TPCN1: variants seen among roughly 807,000 people sequenced by gnomAD.
TPCN1 encodes the protein two pore segment channel 1, also known as two pore channel protein 1.
TPCN1 carries 52 observed loss-of-function variants against 108.8 expected under a neutral mutation model. The ratio of observed to expected loss-of-function variants is 0.48; its 90% CI spans 0.38 to 0.60. TPCN1 has a LOEUF of 0.60. Among genes scored for constraint, TPCN1 ranks in the 20% least tolerant of loss-of-function variants. The pLI is 0.00. For missense variants in TPCN1, 806 were observed against 1,072.8 expected, an observed-to-expected ratio of 0.75 and a Z score of 3.47; for synonymous variants, 446 against 433.7, an observed-to-expected ratio of 1.03 and a Z score of -0.35.
rs1262597630 is a variant in TPCN1 at position 113,285,925 on chromosome 12, T to C, written c.1490T>C (p.Leu497Pro). ...GAGCTGTTCCTGAAGGTTGCCGGCC[T>C]GGGCCCTGTGGAGTACTTGTCTTCC... Reference protein sequence around the residue: ...GVELFLKVAGLGPVEYLSSGW... With the variant: ...GVELFLKVAGPGPVEYLSSGW... Residue 497 changes from leucine to proline, a missense_variant, in exon 18 of 28, where the codon CTG becomes CCG. Physicochemically the swap from Leu to Pro is moderately conservative, Grantham distance 98. Transcript: ENST00000335509. 4 of 1,614,118 alleles carry C rather than the reference T, an allele frequency of 2.5e-6. No homozygotes were observed. The African/African-American group carries it at 5.3e-5, about 22-fold the overall frequency.
intron 15 of TPCN1, among the ~76,000 whole-genome samples, chr12:113,282,382 C>T (rs1210846338): frequency 2.6e-5 from 4 of 151,972 alleles, no homozygotes; most frequent in South Asian, 4.2e-4. Context: ...CATGAGCCAC[C>T]GCATCCGGCC....
intron 3 of TPCN1, among the ~76,000 whole-genome samples, chr12:113,263,831 TC>T (rs1240593290): frequency 6.6e-6 from 1 of 152,200 alleles, no homozygotes; most frequent in Non-Finnish European, 1.5e-5. Flanking sequence ...CAACTGGCCT[TC>T]CTTATTTTTC....
chr12:113,272,603 G>C lies in TPCN1; in HGVS notation c.749-55G>C, dbSNP rs1319727686. The C allele has an allele frequency of 2.0e-5, 31 of 1,548,188 alleles. No individual in the cohort carries two copies. Among genetic ancestry groups the C allele is most frequent in the Non-Finnish European group, 2.8e-5 (31 of 1,120,154 alleles). On this transcript the variant is annotated intron_variant, in intron 7 of 27. Coordinates refer to ENST00000335509, the MANE Select transcript of TPCN1 (RefSeq NM_017901.6). The surrounding 1 kb of genome is among the most constrained non-coding windows in gnomAD (Gnocchi z 4.1). ...TATTTGTCCAGTCCTTTTGACACCAGGTTTTGGGACCTCTGCTCTAATCCT... is the reference window on the plus strand; with the variant it reads ...TATTTGTCCAGTCCTTTTGACACCACGTTTTGGGACCTCTGCTCTAATCCT...
chr12:113,285,493 C>T (rs7312039), intron 17 of TPCN1, among the ~76,000 whole-genome samples: 2,549 of 152,308 alleles, frequency 0.017, 91 homozygotes, highest in East Asian at 0.15. Context: ...TAGCCTCAGC[C>T]TCCCAAGTAG....
At chr12:113,259,579 A>G (rs1260925755) in intron 2 of TPCN1, among the ~76,000 whole-genome samples, 1 of 152,196 alleles carries the variant, frequency 6.6e-6, no homozygotes, top group African/African-American at 2.4e-5. Flanking sequence ...CTTCCTTCTC[A>G]GGCAAGTTTT....
chr12:113,277,499 C>T, intron 12 of TPCN1, 135 bp downstream of exon 12: 1 of 1,081,318 alleles, frequency 9.2e-7, no homozygotes, highest in Admixed American at 2.3e-5. Context: ...GATGTTTATC[C>T]ATGTAGACTT....
rs1476238657 is a variant in TPCN1, at chr12:113,279,380, TATATATATA to T, written c.1297+546_1297+554del. Among the ~76,000 whole-genome samples, 151 of 33,916 alleles carry T rather than the reference TATATATATA, an allele frequency of 4.5e-3. 1 individual carries two copies. The highest frequency in any genetic ancestry group is 0.018 in the African/African-American group (143 of 8,112). The allele number at this position is 33,916 out of a possible 152,430, so 22.3% of individuals were successfully genotyped here. ...GTGTGTATATATATATATATATATA[TATATATATA>T]TATTTTTTTTTTTTTTTTTTTTTTT... On this transcript the variant is annotated intron_variant, in intron 14 of 27. Coordinates refer to ENST00000335509, the MANE Select transcript of TPCN1 (RefSeq NM_017901.6).
chr12:113,225,474 ATTTG>A, intron 1 of TPCN1: 1 of 259,790 alleles, frequency 3.8e-6, no homozygotes, highest in South Asian at 3.5e-5. Flanking sequence ...ACTTTTCAGT[ATTTG>A]TTCTTGCAGG....
intron 10 of TPCN1, among the ~76,000 whole-genome samples, chr12:113,274,028 C>T (rs1430349443): frequency 6.6e-6 from 1 of 152,220 alleles, no homozygotes; most frequent in Non-Finnish European, 1.5e-5. Context: ...CAAAGATCCA[C>T]AGATGTTCAA....
At position 113,273,185 on chromosome 12, in the gene TPCN1, T is replaced by C. The variant is rs777522895; in HGVS notation, c.784-47T>C. On this transcript the variant is annotated intron_variant, in intron 8 of 27. Transcript: ENST00000335509. The surrounding 1 kb of genome is among the most constrained non-coding windows in gnomAD (Gnocchi z 4.0). ...CATCACAGCCTGTTCCTGATGGCCGTGTGCTCTTGGCTGGTCCCGACTTCT... is the reference window on the plus strand; with the variant it reads ...CATCACAGCCTGTTCCTGATGGCCGCGTGCTCTTGGCTGGTCCCGACTTCT... 6.3e-7 allele frequency: 1 copy of C among 1,581,524 alleles called. No homozygotes were observed. Among genetic ancestry groups the C allele is most frequent in the East Asian group, 2.2e-5 (1 of 44,670 alleles).
rs1955578198 is a variant in TPCN1, at chr12:113,273,620, C to A, written c.894C>A (p.Val298=). ...ACTCCCGGAACCCCTGGTCCTGCGTCTTCTTCATCGTGTACCTCTCCATCG... is the reference window on the plus strand; with the variant it reads ...ACTCCCGGAACCCCTGGTCCTGCGTATTCTTCATCGTGTACCTCTCCATCG... ...PSYSRNPWSC[V]FFIVYLSIEL... The change falls in exon 10 of 28, where the codon GTC becomes GTA. Residue 298 remains valine, a synonymous_variant. Transcript: ENST00000335509. This position sits in a 1 kb window ranked among gnomAD's most constrained non-coding sequence, Gnocchi z 4.0. 3 of 1,614,208 alleles carry A rather than the reference C, an allele frequency of 1.9e-6. No homozygotes were observed. Among genetic ancestry groups the A allele is most frequent in the Non-Finnish European group, 2.5e-6 (3 of 1,180,028 alleles).
intron 2 of TPCN1, among the ~76,000 whole-genome samples, chr12:113,230,237 C>T (rs147807338): frequency 7.7e-4 from 113 of 146,344 alleles, no homozygotes; most frequent in African/African-American, 2.8e-3. Context: ...GGGGTAATTA[C>T]ACATTTAACC....
chr12:113,286,544 C>T (rs768112704), intron 18 of TPCN1, among the ~76,000 whole-genome samples: 25 of 136,322 alleles, frequency 1.8e-4, no homozygotes, highest in Non-Finnish European at 2.4e-4. Context: ...GCTGTTCTCC[C>T]GATGGGAATC....
At chr12:113,295,658 A>C (rs1956400256) in intron 27 of TPCN1, among the ~76,000 whole-genome samples, 1 of 152,076 alleles carries the variant, frequency 6.6e-6, no homozygotes, top group Non-Finnish European at 1.5e-5. Context: ...CCCTTTAGTG[A>C]AGGACAAAAG....
Position 113,278,204 on chromosome 12 carries a change from C to T in TPCN1, c.1200C>T (p.Tyr400=), listed in dbSNP as rs529836753. ...CTTTTGGTAGCCTAAAGGACTTTTA[C>T]GATATCTACGAAGTTGCTGCTTTGA... The part of the protein sequence containing the change: ...NTPLLSLKDF[Y]DIYEVAALKW... Residue 400 remains tyrosine, a synonymous_variant, in exon 13 of 28, where the codon TAC becomes TAT. Transcript: ENST00000335509. The T allele has an allele frequency of 1.1e-5, 17 of 1,613,754 alleles. No individual in the cohort carries two copies. Among genetic ancestry groups the T allele is most frequent in the Middle Eastern group, 3.3e-4 (2 of 6,056 alleles).
chr12:113,268,880 C>T lies in TPCN1; in HGVS notation c.659+8C>T, dbSNP rs192139704. 1.3e-4 allele frequency: 203 copies of T among 1,613,538 alleles called. No individual in the cohort carries two copies. The East Asian group carries it at 4.4e-3, about 35-fold the overall frequency. ...TTGCGGTGGCGTCCGGCGGTAAGGC[C>T]CGGGTGGGGAGCTGGGCAGTCACTA... On this transcript the variant is annotated splice_region_variant and intron_variant, in intron 6 of 27. Transcript: ENST00000335509. This position sits in a 1 kb window ranked among gnomAD's most constrained non-coding sequence, Gnocchi z 7.3.
rs1953487446 is a variant in TPCN1, at chr12:113,226,824, A to G, written c.-29A>G. ...GAGACTATTTCAAGCCCTGGATATCATATCCTGAGGGCCACAGGAGAAGAG... is the reference window on the plus strand; with the variant it reads ...GAGACTATTTCAAGCCCTGGATATCGTATCCTGAGGGCCACAGGAGAAGAG... On this transcript the variant is annotated 5_prime_UTR_variant, in exon 2 of 28. Coordinates refer to ENST00000335509, the MANE Select transcript of TPCN1 (RefSeq NM_017901.6). 12 of 1,613,978 alleles carry G rather than the reference A, an allele frequency of 7.4e-6. No individual in the cohort carries two copies. The highest frequency in any genetic ancestry group is 5.3e-5 in the African/African-American group (4 of 74,916).
Position 113,293,074 on chromosome 12 carries a change from G to A in TPCN1, c.2253+1G>A, listed in dbSNP as rs577287446. 2 of 1,611,164 alleles carry A rather than the reference G, an allele frequency of 1.2e-6. No individual in the cohort carries two copies. The highest frequency in any genetic ancestry group is 1.3e-5 in the African/African-American group (1 of 74,980). On this transcript the variant is annotated splice_donor_variant, in intron 26 of 27. Coordinates refer to ENST00000335509, the MANE Select transcript of TPCN1 (RefSeq NM_017901.6). LOFTEE classifies it high-confidence loss of function. ...CCTCTCCCAGATGGAGAGATACCAGGTGAGGAGCCCAGGCCCTGGTCCGAA... is the reference window on the plus strand; with the variant it reads ...CCTCTCCCAGATGGAGAGATACCAGATGAGGAGCCCAGGCCCTGGTCCGAA...
intron 2 of TPCN1, among the ~76,000 whole-genome samples, chr12:113,241,314 G>T (rs1477723553): frequency 6.6e-6 from 1 of 152,184 alleles, no homozygotes; most frequent in Non-Finnish European, 1.5e-5. Flanking sequence ...CTTCATGGCC[G>T]CCTCACCTCT....
Sources: gnomAD v4.1 joint callset for allele counts (sites outside exome capture counted in the v4.1 genomes callset) on GRCh38, gnomAD v4.1.1 for gene constraint, Gnocchi (gnomAD v3.1) non-coding constraint, MANE v1.5 for transcripts, NCBI Gene and HGNC (gene_info 2026-07-23, HGNC 2026-07-21) for gene names.